Variants in DEPDC5 observed in about 807,000 individuals in gnomAD.
DEPDC5 encodes the protein DEP domain containing 5, GATOR1 subcomplex subunit.
In DEPDC5, 73 loss-of-function variants were observed where a neutral mutation model predicts 217.3. The ratio of observed to expected loss-of-function variants is 0.34; its 90% CI spans 0.28 to 0.41. The LOEUF is 0.41. DEPDC5 is among the 10% of genes least tolerant of loss of function. The pLI is 1.00. For synonymous variants in DEPDC5, 733 were observed against 756.7 expected (o/e 0.97, Z 0.51); for missense variants, 1,675 against 2,070.1 (o/e 0.81, Z 3.70).
chr22:31,898,079 A>G (rs2093585325), intron 40 of DEPDC5, among the ~76,000 whole-genome samples: 1 of 152,152 alleles, frequency 6.6e-6, no homozygotes, highest in African/African-American at 2.4e-5. Context: ...AAGGGAGGGC[A>G]TGAAAAGCAA....
intron 24 of DEPDC5, among the ~76,000 whole-genome samples, chr22:31,823,393 C>A (rs1303192529): frequency 6.6e-6 from 1 of 151,944 alleles, no homozygotes; most frequent in Non-Finnish European, 1.5e-5. Flanking sequence ...ATTAGCCAGG[C>A]ATGGTGATGC....
At position 31,904,234 on chromosome 22, in the gene DEPDC5, G is replaced by T. The variant is rs147291297; in HGVS notation, c.4437-1750G>T. ...TCCTCCTTCATCTTCCTTGGGGCAG[G>T]TGGAGATGATTATATCCCCTCCCCT... On this transcript the variant is annotated intron_variant, in intron 41 of 42. Coordinates refer to ENST00000651528, the MANE Select transcript of DEPDC5 (RefSeq NM_001242896.3). 1.5e-3 allele frequency among the ~76,000 whole-genome samples: 229 copies of T among 152,266 alleles called. 1 individual carries two copies. Among genetic ancestry groups the T allele is most frequent in the Middle Eastern group, 3.4e-3 (1 of 294 alleles).
intron 7 of DEPDC5, among the ~76,000 whole-genome samples, chr22:31,776,081 C>T (rs543720807): frequency 2.7e-5 from 4 of 148,448 alleles, no homozygotes; most frequent in Admixed American, 1.3e-4. Flanking sequence ...CTCTGTAAGG[C>T]GTAGGCTTCA....
Position 31,906,551 on chromosome 22 carries a change from C to A in DEPDC5, c.*54C>A, listed in dbSNP as rs561427018. The A allele has an allele frequency of 4.4e-6, 7 of 1,590,998 alleles. No homozygotes were observed. The highest frequency in any genetic ancestry group is 1.7e-4 in the Middle Eastern group (1 of 5,916). On this transcript the variant is annotated 3_prime_UTR_variant, in exon 43 of 43. Coordinates refer to ENST00000651528, the MANE Select transcript of DEPDC5 (RefSeq NM_001242896.3). This position sits in a 1 kb window ranked among gnomAD's most constrained non-coding sequence, Gnocchi z 5.1. ...GTGGGTGAGCCACTGCCCTCAAACC[C>A]GGGGCGGAGGATTCCAGGCAGGCTC... is the stretch of plus-strand genomic sequence containing the variant.
intron 4 of DEPDC5, among the ~76,000 whole-genome samples, chr22:31,762,143 G>T (rs569852143): frequency 1.6e-3 from 248 of 152,160 alleles, no homozygotes; most frequent in Non-Finnish European, 2.8e-3. Context: ...CCTACTCTGG[G>T]TGAGTAGGGA....
intron 32 of DEPDC5, among the ~76,000 whole-genome samples, chr22:31,859,988 C>A (rs1445888163): frequency 6.6e-6 from 1 of 152,218 alleles, no homozygotes; most frequent in Non-Finnish European, 1.5e-5. Flanking sequence ...TTTGCCTCTA[C>A]TCATTGCCAT....
intron 35 of DEPDC5, 162 bp from the exon 36 acceptor site, chr22:31,874,111 T>G: frequency 8.7e-7 from 1 of 1,150,680 alleles, no homozygotes. Context: ...CAGTTTCTTT[T>G]GTCCTCTCAT....
intron 12 of DEPDC5, among the ~76,000 whole-genome samples, chr22:31,794,614 G>A (rs2086036706): frequency 6.6e-6 from 1 of 152,120 alleles, no homozygotes; most frequent in African/African-American, 2.4e-5. Context: ...GCCAGGCGTG[G>A]TGGCTGATAC....
chr22:31,815,956 C>A (rs2089051737), intron 21 of DEPDC5: 2 of 993,258 alleles, frequency 2.0e-6, no homozygotes, highest in Non-Finnish European at 2.4e-6. Flanking sequence ...CTTATGATTT[C>A]CATTTGTGCC....
intron 20 of DEPDC5, among the ~76,000 whole-genome samples, chr22:31,811,407 C>T (rs1438835300): frequency 6.6e-6 from 1 of 152,152 alleles, no homozygotes; most frequent in Non-Finnish European, 1.5e-5. Context: ...AAACAATTCA[C>T]AAATTCCAGA....
At chr22:31,852,796 T>C (rs1365026204) in intron 31 of DEPDC5, 2 of 152,220 alleles carry the variant, frequency 1.3e-5, no homozygotes, top group South Asian at 4.1e-4. Context: ...TATCATGAAA[T>C]AGCCAGTTGG....
Position 31,766,814 on chromosome 22 carries a change from A to G in DEPDC5, c.363+146A>G, listed in dbSNP as rs1342858381. ...TTGTCAACGTCTTCTGTGTTCTTCC[A>G]TTCTCTTTTCACTGTTCTTTTGATC... is the stretch of plus-strand genomic sequence containing the variant. On this transcript the variant is annotated intron_variant, in intron 6 of 42. Coordinates refer to ENST00000651528, the MANE Select transcript of DEPDC5 (RefSeq NM_001242896.3). 23 of 709,224 alleles carry G rather than the reference A, an allele frequency of 3.2e-5. No homozygotes were observed. The East Asian group carries it at 6.0e-4, about 19-fold the overall frequency. The allele number at this position is 709,224 out of a possible 1,614,324, so 43.9% of individuals were successfully genotyped here.
At chr22:31,850,593 C>T (rs1468898712) in intron 31 of DEPDC5, among the ~76,000 whole-genome samples, 1 of 152,142 alleles carries the variant, frequency 6.6e-6, no homozygotes, top group Non-Finnish European at 1.5e-5. Flanking sequence ...GGAACATATA[C>T]CCCTCAGATA....
intron 20 of DEPDC5, among the ~76,000 whole-genome samples, chr22:31,813,239 T>C (rs1334177307): frequency 6.6e-6 from 1 of 152,196 alleles, no homozygotes. Context: ...GCTTAGGGGC[T>C]CAGTAAGAGC....
At chr22:31,778,933 C>G (rs2084155032) in intron 8 of DEPDC5, among the ~76,000 whole-genome samples, 1 of 152,160 alleles carries the variant, frequency 6.6e-6, no homozygotes, top group South Asian at 2.1e-4. Context: ...GTGCCATTGG[C>G]ATCTAGTGAG....
chr22:31,797,465 C>A (rs2086373611), intron 12 of DEPDC5, 135 bp from the exon 13 acceptor site: 2 of 668,718 alleles, frequency 3.0e-6, no homozygotes, highest in Non-Finnish European at 2.7e-6. Flanking sequence ...AAACCACCCC[C>A]ATGATCCAGT....
intron 4 of DEPDC5, among the ~76,000 whole-genome samples, chr22:31,762,601 T>C (rs2082488297): frequency 6.6e-6 from 1 of 152,058 alleles, no homozygotes; most frequent in Non-Finnish European, 1.5e-5. Flanking sequence ...CCGTCTCTAC[T>C]AAAAATATAA....
At chr22:31,799,019 A>C (rs1180832971) in intron 14 of DEPDC5, among the ~76,000 whole-genome samples, 1 of 150,144 alleles carries the variant, frequency 6.7e-6, no homozygotes, top group South Asian at 2.1e-4. Flanking sequence ...TCAAGAATCT[A>C]TATTATTATC....
In DEPDC5 at chr22:31,758,619, C is replaced by T. The variant is rs1601581899; in HGVS notation, c.132C>T (p.Pro44=). Residue 44 remains proline (P), a synonymous_variant, in exon 3 of 43, where the codon CCC becomes CCT. Coordinates refer to ENST00000651528, the MANE Select transcript of DEPDC5 (RefSeq NM_001242896.3). Reference sequence around the variant, plus strand: ...GAGACATTGTAGAGATTGCACACCCCAACGATGAATACAGGTGAGTGTCTC... The same window carrying T: ...GAGACATTGTAGAGATTGCACACCCTAACGATGAATACAGGTGAGTGTCTC... ...KLGDIVEIAH[P]NDEYSPLLLQ... is the part of the protein sequence containing the mutation. 2 of 1,613,898 alleles carry T rather than the reference C, an allele frequency of 1.2e-6. No homozygotes were observed. The highest frequency in any genetic ancestry group is 2.7e-5 in the African/African-American group (2 of 74,902).
Sources: allele counts gnomAD v4.1 joint callset (sites outside exome capture counted in the v4.1 genomes callset), GRCh38; gene constraint gnomAD v4.1.1; non-coding constraint Gnocchi (gnomAD v3.1); transcripts MANE v1.5; gene names NCBI Gene and HGNC (gene_info 2026-07-23, HGNC 2026-07-21).